RALGPS1: variants seen among roughly 807,000 people sequenced by gnomAD.
The protein encoded by RALGPS1 is Ral GEF with PH domain and SH3 binding motif 1.
RALGPS1 carries 19 observed loss-of-function variants against 78.8 expected under a neutral mutation model. That is an observed-to-expected ratio of 0.24 (90% CI 0.17 to 0.35). RALGPS1 has a LOEUF of 0.35. Ranked by LOEUF, RALGPS1 falls within the 10% of genes least tolerant of loss-of-function variation. The pLI is 1.00. For synonymous variants in RALGPS1, 228 were observed against 256.3 expected, an observed-to-expected ratio of 0.89 and a Z score of 1.06; for missense variants, 454 against 688.3, an observed-to-expected ratio of 0.66 and a Z score of 3.81.
intron 8 of RALGPS1, among the ~76,000 whole-genome samples, chr9:127,140,729 A>C (rs967490048): frequency 4.6e-5 from 7 of 152,148 alleles, no homozygotes; most frequent in Admixed American, 4.6e-4. Flanking sequence ...TGAAAAAAAA[A>C]GTTTTAACCT....
intron 8 of RALGPS1, among the ~76,000 whole-genome samples, chr9:127,127,185 ATCTTCCCAGACAGTAGACTGCT>A (rs1564630392): frequency 1.3e-5 from 2 of 152,172 alleles, no homozygotes. Context: ...CCTCTTTCCC[ATCTTCCCAGACAGTAGACTGCT>A]GCTTTCTGTT....
chr9:126,943,903 T>C (rs1213558299), intron 1 of RALGPS1, among the ~76,000 whole-genome samples: 3 of 152,228 alleles, frequency 2.0e-5, no homozygotes, highest in Non-Finnish European at 4.4e-5. Flanking sequence ...GGGTATCCTG[T>C]TCTGCCAACC....
At chr9:127,167,205 AGCCAGGGTG>A (rs1351034214) in intron 9 of RALGPS1, among the ~76,000 whole-genome samples, 1 of 152,168 alleles carries the variant, frequency 6.6e-6, no homozygotes, top group African/African-American at 2.4e-5. Context: ...GTCACAGGGA[AGCCAGGGTG>A]GGTTCACCAA....
intron 8 of RALGPS1, among the ~76,000 whole-genome samples, chr9:127,078,379 A>G (rs2050868406): frequency 6.6e-6 from 1 of 152,120 alleles, no homozygotes; most frequent in African/African-American, 2.4e-5. Context: ...ATTAAAACCC[A>G]TTTTATGAAT....
Position 126,921,287 on chromosome 9 carries a change from C to T in RALGPS1, c.-66+6312C>T, listed in dbSNP as rs564618188. On this transcript the variant is annotated intron_variant, in intron 1 of 18. Transcript: ENST00000259351. ...GTCCTCAGGACCTTCCTCACTAGCC[C>T]TGTGGCTGATATTATGGCTCCAGGG... Among the ~76,000 whole-genome samples the T allele has an allele frequency of 2.0e-5, 3 of 152,332 alleles. No homozygotes were observed. The East Asian group carries it at 5.8e-4, about 29-fold the overall frequency.
intron 8 of RALGPS1, among the ~76,000 whole-genome samples, chr9:127,114,723 G>A (rs922037461): frequency 4.6e-5 from 7 of 152,214 alleles, no homozygotes; most frequent in Admixed American, 3.3e-4. Context: ...TCCCAGCACT[G>A]CAGGAGGCCT....
At chr9:126,974,007 G>A (rs1447791480) in intron 3 of RALGPS1, among the ~76,000 whole-genome samples, 1 of 152,022 alleles carries the variant, frequency 6.6e-6, no homozygotes, top group Non-Finnish European at 1.5e-5. Context: ...TGAGTAGCTG[G>A]GATTACAGAC....
chr9:126,953,643 C>CAG (rs2038075418), intron 1 of RALGPS1, among the ~76,000 whole-genome samples: 1 of 152,190 alleles, frequency 6.6e-6, no homozygotes, highest in Admixed American at 6.5e-5. Flanking sequence ...TAAATCCTTT[C>CAG]ACCTGACACC....
intron 7 of RALGPS1, among the ~76,000 whole-genome samples, chr9:127,062,187 T>C (rs900618341): frequency 6.6e-6 from 1 of 152,152 alleles, no homozygotes; most frequent in Non-Finnish European, 1.5e-5. Flanking sequence ...AAGCTCCGCC[T>C]CCCAGGTTCA....
At chr9:127,202,903 CGCAGGGCAGCGG>C (rs1165957230) in intron 14 of RALGPS1, among the ~76,000 whole-genome samples, 1 of 149,878 alleles carries the variant, frequency 6.7e-6, no homozygotes, top group Non-Finnish European at 1.5e-5. Context: ...GGGAGGCGGC[CGCAGGGCAGCGG>C]CCGCAGGGCA....
At chr9:127,143,269 A>G (rs2057901599) in intron 8 of RALGPS1, among the ~76,000 whole-genome samples, 1 of 152,188 alleles carries the variant, frequency 6.6e-6, no homozygotes, top group Non-Finnish European at 1.5e-5. Flanking sequence ...CTGGCTTTGG[A>G]ATCCCTGATG....
intron 11 of RALGPS1, among the ~76,000 whole-genome samples, chr9:127,191,624 T>G (rs990724486): frequency 6.6e-6 from 1 of 152,192 alleles, no homozygotes; most frequent in Non-Finnish European, 1.5e-5. Flanking sequence ...CTGTTTTTCT[T>G]CAGAATAGTC....
chr9:127,022,471 G>A (rs1219109616), intron 4 of RALGPS1, among the ~76,000 whole-genome samples: 5 of 151,866 alleles, frequency 3.3e-5, no homozygotes, highest in Non-Finnish European at 7.4e-5. Context: ...GAGGGTTTGG[G>A]GAGCCACCTC....
intron 1 of RALGPS1, among the ~76,000 whole-genome samples, chr9:126,934,539 G>A (rs2131250765): frequency 6.6e-6 from 1 of 152,296 alleles, no homozygotes; most frequent in African/African-American, 2.4e-5. Flanking sequence ...TGGGACTGAG[G>A]CGCTGCAGAG....
At position 127,168,784 on chromosome 9, in the gene RALGPS1, C is replaced by A. The variant is rs372261269; in HGVS notation, c.842+12C>A. On this transcript the variant is annotated intron_variant, in intron 10 of 18. Coordinates refer to ENST00000259351, the MANE Select transcript of RALGPS1 (RefSeq NM_014636.3). ...GACGACAACTACAAGTAAGTCCCCA[C>A]GTATTCCTGTGTCAGGCCTCCCAGC... is the stretch of plus-strand genomic sequence containing the variant. The A allele has an allele frequency of 5.7e-6, 9 of 1,590,340 alleles. No homozygotes were observed. Among genetic ancestry groups the A allele is most frequent in the Non-Finnish European group, 7.8e-6 (9 of 1,158,502 alleles).
rs539050497 is a variant in RALGPS1 at position 127,044,191 on chromosome 9, G to A, written c.301-5852G>A. On this transcript the variant is annotated intron_variant, in intron 5 of 18. Transcript: ENST00000259351. The stretch of plus-strand genomic sequence containing the variant: ...ATAAACCATGGTAAATCCATACAGT[G>A]GAATAGCATTCTTCCAAAAAAGGGA... 7.2e-5 allele frequency among the ~76,000 whole-genome samples: 11 copies of A among 152,158 alleles called. 1 individual carries two copies. In the South Asian group the frequency reaches 2.1e-3, roughly 29 times the overall value.
intron 2 of RALGPS1, among the ~76,000 whole-genome samples, chr9:126,962,963 CATT>C (rs1199304348): frequency 1.3e-5 from 2 of 152,238 alleles, no homozygotes; most frequent in East Asian, 3.9e-4. Context: ...AGGCCCTCCT[CATT>C]ATGCTAGGCT....
rs1028973409 is a variant in RALGPS1, at chr9:127,164,045, G to A, written c.611-2024G>A. 1.3e-4 allele frequency among the ~76,000 whole-genome samples: 20 copies of A among 151,978 alleles called. No individual in the cohort carries two copies. The South Asian group carries it at 3.7e-3, about 28-fold the overall frequency. The stretch of plus-strand genomic sequence containing the variant: ...GTTATATGAGTGTGTGTGTGCATGC[G>A]TGTGTGTTTTCAAATGGTTAGTTTT... On this transcript the variant is annotated intron_variant, in intron 8 of 18. Transcript: ENST00000259351.
At chr9:127,062,053 C>T (rs2049257490) in intron 7 of RALGPS1, among the ~76,000 whole-genome samples, 1 of 152,094 alleles carries the variant, frequency 6.6e-6, no homozygotes, top group Non-Finnish European at 1.5e-5. Flanking sequence ...TGATTGGATA[C>T]ATGTATGTAT....
Sources: gnomAD v4.1 joint callset for allele counts (sites outside exome capture counted in the v4.1 genomes callset) on GRCh38, gnomAD v4.1.1 for gene constraint, MANE v1.5 for transcripts, NCBI Gene and HGNC (gene_info 2026-07-23, HGNC 2026-07-21) for gene names.